The following ATP10A variants were observed in gnomAD, a reference collection of about 807,000 sequenced individuals.
ATP10A encodes ATPase phospholipid transporting 10A (putative).
Under a neutral mutation model 147.8 loss-of-function variants are expected in ATP10A, and 111 were observed. That is an observed-to-expected ratio of 0.75 (90% confidence interval 0.64 to 0.88). The LOEUF is 0.88. ATP10A is among the 40% of genes least tolerant of loss of function. The pLI, the probability that ATP10A is intolerant of heterozygous loss-of-function variation, is 0.00. For synonymous variants in ATP10A, 875 were observed against 841.6 expected (o/e 1.04, Z -0.69); for missense variants, 1,927 against 1,959.0 (o/e 0.98, Z 0.31).
At chr15:25,801,225 C>T (rs1303547598) in intron 1 of ATP10A, among the ~76,000 whole-genome samples, 3 of 152,024 alleles carry the variant, frequency 2.0e-5, no homozygotes, top group South Asian at 2.1e-4. Context: ...AGCATCACCT[C>T]GAGGCCCAGG....
At chr15:25,754,650 C>G (rs2140597374) in intron 2 of ATP10A, among the ~76,000 whole-genome samples, 1 of 152,198 alleles carries the variant, frequency 6.6e-6, no homozygotes, top group South Asian at 2.1e-4. Flanking sequence ...CCTGAGAAAC[C>G]CAATATCCGA....
intron 2 of ATP10A, among the ~76,000 whole-genome samples, chr15:25,772,394 G>GGGCAGGTTTTGCACCCAAAAC (rs1219990557): frequency 3.3e-5 from 5 of 152,032 alleles, no homozygotes. Flanking sequence ...CCCACTTTTA[G>GGGCAGGTTTTGCACCCAAAAC]CTTTAAAACA....
chr15:25,674,498 T>A (rs913017164), downstream of ATP10A, among the ~76,000 whole-genome samples: 1 of 152,196 alleles, frequency 6.6e-6, no homozygotes, highest in African/African-American at 2.4e-5. Flanking sequence ...TTAGTGATTG[T>A]GTCCCTGGCC....
intron 7 of ATP10A, among the ~76,000 whole-genome samples, chr15:25,720,892 G>A (rs1358166876): frequency 2.6e-5 from 4 of 152,180 alleles, no homozygotes; most frequent in Non-Finnish European, 5.9e-5. Context: ...GCCCGCTTGC[G>A]TTCCCTCTGT....
chr15:25,805,136 A>G (rs1232393109), intron 1 of ATP10A, among the ~76,000 whole-genome samples: 2 of 152,208 alleles, frequency 1.3e-5, no homozygotes, highest in African/African-American at 4.8e-5. Flanking sequence ...CCGGCAGCCT[A>G]TGGGACCCCT....
chr15:25,750,897 T>G (rs1888122669), intron 2 of ATP10A, among the ~76,000 whole-genome samples: 1 of 151,474 alleles, frequency 6.6e-6, no homozygotes, highest in Non-Finnish European at 1.5e-5. Flanking sequence ...AAGGTATAGC[T>G]AATGGGAGAA....
chr15:25,700,320 A>T (rs1363495739), intron 13 of ATP10A, among the ~76,000 whole-genome samples: 1 of 152,234 alleles, frequency 6.6e-6, no homozygotes, highest in Admixed American at 6.5e-5. Context: ...AAACTTAGAC[A>T]CATTCACATC....
intron 2 of ATP10A, among the ~76,000 whole-genome samples, chr15:25,752,183 T>C (rs1888188760): frequency 6.6e-6 from 1 of 152,128 alleles, no homozygotes; most frequent in Non-Finnish European, 1.5e-5. Flanking sequence ...AGATTTGAAA[T>C]CAGTTTGCCA....
chr15:25,683,302 C>G lies in ATP10A; in HGVS notation c.3476G>C (p.Ser1159Thr). The stretch of plus-strand genomic sequence containing the variant: ...GAGCTTTACCTCCATGTTCTGGCCA[C>G]TCTTGTAGAGCTGCGGGTTGGTCAG... ...VLLTNPQLYK[S>T]GQNMEEYRPR... The change falls in exon 17 of 21, where the codon AGT becomes ACT. Residue 1159 changes from serine (S) to threonine (T), a missense_variant. By Grantham distance (58) the Ser-to-Thr change is moderately conservative. Transcript: ENST00000555815. 6.2e-7 allele frequency: 1 copy of G among 1,613,978 alleles called. No individual in the cohort carries two copies. The highest frequency in any genetic ancestry group is 8.5e-7 in the Non-Finnish European group (1 of 1,180,022).
chr15:25,789,455 C>T (rs892640709), intron 1 of ATP10A, among the ~76,000 whole-genome samples: 6 of 151,968 alleles, frequency 3.9e-5, no homozygotes, highest in South Asian at 4.2e-4. Flanking sequence ...GGAGGATCAC[C>T]ACAAGAGATC....
intron 15 of ATP10A, among the ~76,000 whole-genome samples, chr15:25,689,924 C>T (rs1899925271): frequency 6.6e-6 from 1 of 152,224 alleles, no homozygotes; most frequent in South Asian, 2.1e-4. Flanking sequence ...AGTTTCCAAG[C>T]ATATGAGGTC....
At chr15:25,757,286 A>G (rs1888467640) in intron 2 of ATP10A, among the ~76,000 whole-genome samples, 1 of 152,102 alleles carries the variant, frequency 6.6e-6, no homozygotes, top group South Asian at 2.1e-4. Flanking sequence ...ATAAAATTTA[A>G]ATCCATAAAA....
chr15:25,730,586 A>T (rs970720426), intron 3 of ATP10A, among the ~76,000 whole-genome samples: 1 of 152,108 alleles, frequency 6.6e-6, no homozygotes, highest in African/African-American at 2.4e-5. Context: ...GAAACACCTT[A>T]GCAAAGATGC....
intron 8 of ATP10A, among the ~76,000 whole-genome samples, chr15:25,717,629 C>T (rs1901902036): frequency 6.6e-6 from 1 of 152,172 alleles, no homozygotes; most frequent in Admixed American, 6.5e-5. Flanking sequence ...GGTTTAGAAG[C>T]ACATGAGAGA....
chr15:25,836,141 A>G (rs1892583887), intron 1 of ATP10A, among the ~76,000 whole-genome samples: 2 of 152,078 alleles, frequency 1.3e-5, no homozygotes, highest in African/African-American at 4.8e-5. Context: ...TAGAGACAAG[A>G]TCTCACTATG....
chr15:25,860,967 T>C (rs1196526343), intron 1 of ATP10A, among the ~76,000 whole-genome samples: 1 of 152,146 alleles, frequency 6.6e-6, no homozygotes, highest in Non-Finnish European at 1.5e-5. Flanking sequence ...TTAAAACTGT[T>C]GAGCCCCACC....
intron 10 of ATP10A, chr15:25,710,894 G>C (rs149692730): frequency 6.6e-6 from 1 of 152,250 alleles, no homozygotes; most frequent in Non-Finnish European, 1.5e-5. Flanking sequence ...AGGAGCCAGA[G>C]ACTTGGGAAA....
intron 3 of ATP10A, among the ~76,000 whole-genome samples, chr15:25,728,540 C>A (rs1367848654): frequency 6.6e-6 from 1 of 152,176 alleles, no homozygotes; most frequent in Non-Finnish European, 1.5e-5. Context: ...AGGTACAAAA[C>A]CCTGCTCTGC....
chr15:25,727,837 C>T (rs78807426), intron 3 of ATP10A, among the ~76,000 whole-genome samples: 3,303 of 152,324 alleles, frequency 0.022, 109 homozygotes, highest in African/African-American at 0.072. Flanking sequence ...CTATTTAGAT[C>T]CAGAGGGATA....
Sources: allele counts gnomAD v4.1 joint callset (sites outside exome capture counted in the v4.1 genomes callset), GRCh38; gene constraint gnomAD v4.1.1; transcripts MANE v1.5; gene names NCBI Gene and HGNC (gene_info 2026-07-23, HGNC 2026-07-21).